Variants in KCNK1 observed in about 807,000 individuals in gnomAD.
KCNK1 encodes potassium channel subfamily K member 1.
Under a neutral mutation model 22.2 loss-of-function variants are expected in KCNK1, and 10 were observed. That is an observed-to-expected ratio of 0.45 (90% CI 0.28 to 0.76). The LOEUF (loss-of-function observed/expected upper bound fraction) is 0.76, where lower values mean the gene tolerates loss of function less well. KCNK1 is among the 30% of genes least tolerant of loss of function. The pLI is 0.14. For missense variants in KCNK1, 378 were observed against 421.0 expected (o/e 0.90, Z 0.89); for synonymous variants, 200 against 186.4 (o/e 1.07, Z -0.60).
intron 1 of KCNK1, among the ~76,000 whole-genome samples, chr1:233,663,297 T>C (rs895528041): frequency 6.6e-6 from 1 of 152,220 alleles, no homozygotes; most frequent in Non-Finnish European, 1.5e-5. Flanking sequence ...TTAGTGGGAA[T>C]ATATAATATT....
chr1:233,646,250 T>C (rs965345737), intron 1 of KCNK1, among the ~76,000 whole-genome samples: 2 of 152,190 alleles, frequency 1.3e-5, no homozygotes, highest in East Asian at 3.9e-4. Context: ...AGCTCTATAA[T>C]GGAGTCTCTT....
At chr1:233,635,354 G>A (rs1477850431) in intron 1 of KCNK1, among the ~76,000 whole-genome samples, 1 of 152,114 alleles carries the variant, frequency 6.6e-6, no homozygotes, top group Non-Finnish European at 1.5e-5. Context: ...CTGTGAGCCT[G>A]TCTCTGCTAG....
At chr1:233,655,904 G>C (rs1168245453) in intron 1 of KCNK1, 1 of 141,524 alleles carries the variant, frequency 7.1e-6, no homozygotes, top group African/African-American at 2.6e-5. Context: ...GGTAAAGTGG[G>C]AAAAAAAAAA....
At chr1:233,657,072 A>T (rs1268009045) in intron 1 of KCNK1, among the ~76,000 whole-genome samples, 1 of 152,218 alleles carries the variant, frequency 6.6e-6, no homozygotes, top group African/African-American at 2.4e-5. Context: ...TATTAAAGGG[A>T]AATCTTGCCC....
intron 1 of KCNK1, among the ~76,000 whole-genome samples, chr1:233,616,822 T>C (rs867972399): frequency 6.6e-5 from 10 of 152,242 alleles, no homozygotes; most frequent in Middle Eastern, 3.2e-3. Context: ...ATGAATCTTA[T>C]AATGGGTGAG....
intron 1 of KCNK1, among the ~76,000 whole-genome samples, chr1:233,652,788 C>T (rs1189919431): frequency 1.3e-5 from 2 of 152,244 alleles, no homozygotes; most frequent in Non-Finnish European, 2.9e-5. Flanking sequence ...ACAAGCTCCT[C>T]AGGGTTGGGT....
At chr1:233,667,235 G>GA (rs1216708299) in intron 2 of KCNK1, among the ~76,000 whole-genome samples, 4 of 152,062 alleles carry the variant, frequency 2.6e-5, no homozygotes, top group African/African-American at 9.7e-5. Flanking sequence ...CTCTCAATGA[G>GA]GGGTCATTCA....
In KCNK1 at chr1:233,614,156, G is replaced by A; in HGVS notation, c.-16G>A. On this transcript the variant is annotated 5_prime_UTR_variant, in exon 1 of 3. Transcript: ENST00000366621. The stretch of plus-strand genomic sequence containing the variant: ...GCCGGTCTGCGGCGTTGGCCTTGGC[G>A]GCGGCGGTGGAGAAGATGCTGCAGT... 9.3e-7 allele frequency: 1 copy of A among 1,076,982 alleles called. No individual in the cohort carries two copies. Among genetic ancestry groups the A allele is most frequent in the Non-Finnish European group, 1.3e-6 (1 of 797,536 alleles). 66.7% of individuals were successfully genotyped at this position (1,076,982 alleles called of 1,614,324 possible). A position where few individuals can be genotyped will look rare whatever the true frequency, so the allele number is the denominator to read the frequency against.
intron 1 of KCNK1, among the ~76,000 whole-genome samples, chr1:233,637,654 G>A (rs1051255204): frequency 1.1e-4 from 16 of 152,146 alleles, no homozygotes; most frequent in East Asian, 3.8e-4. Context: ...TTCCAATGAC[G>A]TGACCAGTGA....
chr1:233,668,610 AT>A (rs775097409), intron 2 of KCNK1, among the ~76,000 whole-genome samples: 60 of 148,230 alleles, frequency 4.0e-4, no homozygotes, highest in Middle Eastern at 3.5e-3. Context: ...ATTGTAGAGA[AT>A]TTTTTTTTTT....
At chr1:233,660,017 G>C (rs1289858760) in intron 1 of KCNK1, among the ~76,000 whole-genome samples, 3 of 152,200 alleles carry the variant, frequency 2.0e-5, no homozygotes, top group Admixed American at 2.0e-4. Context: ...CCATCTCCAG[G>C]ATATACTGTT....
chr1:233,666,487 T>A, intron 1 of KCNK1, 108 bp from the exon 2 acceptor site: 1 of 1,067,358 alleles, frequency 9.4e-7, no homozygotes, highest in Non-Finnish European at 1.3e-6. Context: ...CTCGCTGTTC[T>A]CTTTGGTTTG....
chr1:233,636,357 G>T (rs114369094), intron 1 of KCNK1, among the ~76,000 whole-genome samples: 1 of 152,196 alleles, frequency 6.6e-6, no homozygotes. Flanking sequence ...AGAGATCTCC[G>T]TGGCTTGGGC....
In KCNK1 at chr1:233,631,792, A is replaced by G. The variant is rs562894637; in HGVS notation, c.355+17266A>G. On this transcript the variant is annotated intron_variant, in intron 1 of 2. Coordinates refer to ENST00000366621, the MANE Select transcript of KCNK1 (RefSeq NM_002245.4). ...CCTTGTTCCTATGCTGGGTCTGATT[A>G]CATGCTGATAGATTCTGGTTTTTTT... Among the ~76,000 whole-genome samples the G allele has an allele frequency of 4.6e-5, 7 of 152,330 alleles. No homozygotes were observed. In the East Asian group the frequency reaches 1.3e-3, roughly 29 times the overall value.
At chr1:233,667,700 A>C (rs993296066) in intron 2 of KCNK1, among the ~76,000 whole-genome samples, 46 of 129,512 alleles carry the variant, frequency 3.6e-4, no homozygotes, top group African/African-American at 1.2e-3. Context: ...ACTGCACTCC[A>C]GCCTGGGCGA....
At chr1:233,669,548 C>CA (rs1301355330) in intron 2 of KCNK1, among the ~76,000 whole-genome samples, 1 of 152,038 alleles carries the variant, frequency 6.6e-6, no homozygotes, top group East Asian at 1.9e-4. Flanking sequence ...AAGAGTTTGA[C>CA]AAAATAATTA....
At chr1:233,644,619 C>A (rs781190674) in intron 1 of KCNK1, among the ~76,000 whole-genome samples, 24 of 152,044 alleles carry the variant, frequency 1.6e-4, no homozygotes, top group Admixed American at 1.0e-3. Context: ...AGTCTGAGGT[C>A]TGAGTGAAGA....
At chr1:233,641,386 C>T (rs1384508365) in intron 1 of KCNK1, among the ~76,000 whole-genome samples, 1 of 152,200 alleles carries the variant, frequency 6.6e-6, no homozygotes. Flanking sequence ...CAGATAGACT[C>T]AGTAATCAAG....
At chr1:233,649,706 C>T (rs928976412) in intron 1 of KCNK1, among the ~76,000 whole-genome samples, 1 of 152,134 alleles carries the variant, frequency 6.6e-6, no homozygotes, top group African/African-American at 2.4e-5. Flanking sequence ...GGGCACTAAT[C>T]TCATTCATGA....
Sources: gnomAD v4.1 joint callset for allele counts (sites outside exome capture counted in the v4.1 genomes callset) on GRCh38, gnomAD v4.1.1 for gene constraint, MANE v1.5 for transcripts, NCBI Gene and HGNC (gene_info 2026-07-23, HGNC 2026-07-21) for gene names.